The following DCDC1 variants were observed in gnomAD, a reference collection of about 807,000 sequenced individuals.
DCDC1 encodes doublecortin domain containing 1, also known as doublecortin domain-containing protein 1.
In DCDC1, 200 loss-of-function variants were observed where a neutral mutation model predicts 178.3. That is an observed-to-expected ratio of 1.12 (90% CI 1.00 to 1.26). The LOEUF is 1.26. DCDC1 is among the 50% of genes most tolerant of loss of function. DCDC1 has a pLI of 0.00. For synonymous variants in DCDC1, 690 were observed against 604.8 expected (o/e 1.14, Z -2.07); for missense variants, 1,983 against 1,749.2 (o/e 1.13, Z -2.38).
chr11:30,868,022 A>G (rs1288814054), intron 38 of DCDC1, among the ~76,000 whole-genome samples: 1 of 152,066 alleles, frequency 6.6e-6, no homozygotes, highest in Non-Finnish European at 1.5e-5. Flanking sequence ...AATACCCACA[A>G]TGTCAGCTCA....
chr11:31,308,735 G>A (rs1948600920), intron 3 of DCDC1, among the ~76,000 whole-genome samples: 2 of 152,204 alleles, frequency 1.3e-5, no homozygotes, highest in South Asian at 2.1e-4. Flanking sequence ...AAGATGAATA[G>A]GTATAGAATA....
At chr11:31,210,916 C>T (rs1972453245) in intron 9 of DCDC1, among the ~76,000 whole-genome samples, 1 of 152,152 alleles carries the variant, frequency 6.6e-6, no homozygotes, top group East Asian at 1.9e-4. Flanking sequence ...ATTCTACTGC[C>T]TCCTTGAATC....
rs544951571 is a variant in DCDC1 at position 31,106,790 on chromosome 11, C to T, written c.1751+7G>A. 1 of 765,920 alleles carries T rather than the reference C, an allele frequency of 1.3e-6. No individual in the cohort carries two copies. Among genetic ancestry groups the T allele is most frequent in the Admixed American group, 1.7e-5 (1 of 58,932 alleles). The allele number at this position is 765,920 out of a possible 1,614,324, so 47.4% of individuals were successfully genotyped here. A position where few individuals can be genotyped will look rare whatever the true frequency, so the allele number is the denominator to read the frequency against. On this transcript the variant is annotated splice_region_variant and intron_variant, in intron 13 of 38. Transcript: ENST00000684477. ...TTGAGGACAGAAAACAAACCCCTTG[C>T]TCCTACCTGTATGCTCTACCATAAG... is the stretch of plus-strand genomic sequence containing the variant.
chr11:31,166,517 T>A (rs1002354464), intron 9 of DCDC1, among the ~76,000 whole-genome samples: 1 of 152,128 alleles, frequency 6.6e-6, no homozygotes, highest in Admixed American at 6.6e-5. Flanking sequence ...GACAAAAGAA[T>A]CAAGTGTATT....
intron 20 of DCDC1, among the ~76,000 whole-genome samples, chr11:31,027,336 C>T (rs1167448911): frequency 6.6e-6 from 1 of 151,740 alleles, no homozygotes; most frequent in Non-Finnish European, 1.5e-5. Flanking sequence ...ATTCAAGTCT[C>T]CACTGTGTGT....
chr11:31,264,984 C>T (rs1427108599), intron 8 of DCDC1, among the ~76,000 whole-genome samples: 1 of 151,954 alleles, frequency 6.6e-6, no homozygotes, highest in Non-Finnish European at 1.5e-5. Context: ...TTTTTTCAGA[C>T]CAATTGATAA....
chr11:31,238,793 G>A (rs1204336191), intron 9 of DCDC1, among the ~76,000 whole-genome samples: 1 of 152,078 alleles, frequency 6.6e-6, no homozygotes, highest in African/African-American at 2.4e-5. Context: ...TGTGATAAAT[G>A]TATGTCTAAG....
intron 20 of DCDC1, among the ~76,000 whole-genome samples, chr11:31,013,110 T>C (rs1298610349): frequency 6.6e-6 from 1 of 152,240 alleles, no homozygotes; most frequent in Non-Finnish European, 1.5e-5. Flanking sequence ...GGTTTGAATA[T>C]CTGATTTTTT....
chr11:31,263,377 CA>C (rs1371054341), intron 8 of DCDC1, among the ~76,000 whole-genome samples: 1 of 152,060 alleles, frequency 6.6e-6, no homozygotes, highest in Non-Finnish European at 1.5e-5. Context: ...AAGAAATCAA[CA>C]TTAATAATGA....
At chr11:30,935,008 G>T (rs946078574) in intron 21 of DCDC1, among the ~76,000 whole-genome samples, 7 of 152,110 alleles carry the variant, frequency 4.6e-5, no homozygotes, top group African/African-American at 1.7e-4. Context: ...ATCACCCTAG[G>T]GGGTAAACTT....
Position 31,220,916 on chromosome 11 carries a change from G to A in DCDC1, c.1221+20534C>T, listed in dbSNP as rs546051874. ...GCTGTGTCCTCACATGGTATAAAGA[G>A]AAAGACAGATCTCTGGTGCCTCTTC... On this transcript the variant is annotated intron_variant, in intron 9 of 38. Coordinates refer to ENST00000684477, the MANE Select transcript of DCDC1 (RefSeq NM_001387274.1). Among the ~76,000 whole-genome samples the A allele has an allele frequency of 2.6e-3, 391 of 152,250 alleles. 1 individual carries two copies. The highest frequency in any genetic ancestry group is 4.9e-3 in the Non-Finnish European group (334 of 68,014).
intron 7 of DCDC1, among the ~76,000 whole-genome samples, chr11:31,272,887 A>ACT (rs1945676531): frequency 1.3e-5 from 2 of 152,302 alleles, no homozygotes; most frequent in South Asian, 4.2e-4. Flanking sequence ...TTACAGGTCC[A>ACT]CTAGGCAGTG....
At chr11:30,904,727 C>T (rs1392325974) in intron 31 of DCDC1, 10 of 557,188 alleles carry the variant, frequency 1.8e-5, no homozygotes, top group Non-Finnish European at 2.9e-5. Flanking sequence ...GATCTCTGCT[C>T]TAGAGCCAAT....
intron 7 of DCDC1, 105 bp from the exon 8 acceptor site, chr11:31,265,705 A>G: frequency 2.4e-6 from 1 of 418,068 alleles, no homozygotes; most frequent in Non-Finnish European, 4.0e-6. Context: ...TATATTGTAA[A>G]ATAAAATTTA....
chr11:31,348,953 T>C (rs1390773914), intron 1 of DCDC1, among the ~76,000 whole-genome samples: 1 of 152,216 alleles, frequency 6.6e-6, no homozygotes, highest in Non-Finnish European at 1.5e-5. Context: ...AATAGTCTAC[T>C]CTTCTACAAT....
At chr11:30,944,656 T>G (rs1947886600) in intron 21 of DCDC1, among the ~76,000 whole-genome samples, 1 of 152,212 alleles carries the variant, frequency 6.6e-6, no homozygotes, top group Admixed American at 6.5e-5. Flanking sequence ...TAATTTTAAA[T>G]TTGAGTTTCC....
At chr11:31,085,877 T>G (rs1957442283) in intron 17 of DCDC1, among the ~76,000 whole-genome samples, 1 of 152,034 alleles carries the variant, frequency 6.6e-6, no homozygotes, top group Non-Finnish European at 1.5e-5. Flanking sequence ...TCAGATAATT[T>G]TTAATTTTTT....
At chr11:31,135,275 C>T (rs1034608725) in intron 10 of DCDC1, among the ~76,000 whole-genome samples, 1 of 152,138 alleles carries the variant, frequency 6.6e-6, no homozygotes, top group African/African-American at 2.4e-5. Flanking sequence ...TTTCCTTTCT[C>T]TTTTCCATTA....
chr11:30,883,491 T>C (rs1565022560), intron 36 of DCDC1: 1 of 460,862 alleles, frequency 2.2e-6, no homozygotes, highest in African/African-American at 2.0e-5. Flanking sequence ...CAAATAAAGA[T>C]CCATGTCTTC....
Sources: allele counts gnomAD v4.1 joint callset (sites outside exome capture counted in the v4.1 genomes callset), GRCh38; gene constraint gnomAD v4.1.1; transcripts MANE v1.5; gene names NCBI Gene and HGNC (gene_info 2026-07-23, HGNC 2026-07-21).